The following TMEM156 variants were observed in gnomAD, a reference collection of about 807,000 sequenced individuals.
The protein encoded by TMEM156 is transmembrane protein 156.
A neutral mutation model predicts 30.5 loss-of-function variants in TMEM156; 28 were observed. That is an observed-to-expected ratio of 0.92 (90% confidence interval 0.68 to 1.26). TMEM156 has a LOEUF of 1.26. Ranked by LOEUF, TMEM156 falls within the 50% of genes most tolerant of loss-of-function variation. TMEM156 has a pLI of 0.00. For missense variants in TMEM156, 351 were observed against 340.6 expected (o/e 1.03, Z -0.24); for synonymous variants, 137 against 119.9 (o/e 1.14, Z -0.93).
chr4:38,999,235 G>A (rs1196424296), intron 1 of TMEM156, among the ~76,000 whole-genome samples: 6 of 150,984 alleles, frequency 4.0e-5, no homozygotes, highest in South Asian at 4.2e-4. Flanking sequence ...TCCCAACTCA[G>A]CCTCCAGAGT....
Position 38,988,997 on chromosome 4 carries a change from A to G in TMEM156, c.620-27T>C, listed in dbSNP as rs140200310. On this transcript the variant is annotated intron_variant, in intron 3 of 6. Coordinates refer to ENST00000381938, the MANE Select transcript of TMEM156 (RefSeq NM_024943.3). ...TGTAAAGAAAACAAATACTGTAAAA[A>G]CCCAGTAAAATTATTCAACAGATAA... is the stretch of plus-strand genomic sequence containing the variant. 8 of 1,599,388 alleles carry G rather than the reference A, an allele frequency of 5.0e-6. No homozygotes were observed. In the African/African-American group the frequency reaches 1.1e-4, roughly 22 times the overall value.
intron 5 of TMEM156, among the ~76,000 whole-genome samples, chr4:38,978,577 C>A (rs1324472259): frequency 6.6e-6 from 1 of 152,072 alleles, no homozygotes; most frequent in African/African-American, 2.4e-5. Context: ...AGAGGGCCAC[C>A]CATGATTTGG....
At chr4:39,015,499 C>G (rs1714414330) in intron 1 of TMEM156, among the ~76,000 whole-genome samples, 1 of 152,170 alleles carries the variant, frequency 6.6e-6, no homozygotes, top group Admixed American at 6.5e-5. Context: ...CTTCCAGAAG[C>G]TGGAAACAGC....
chr4:38,972,161 G>C (rs1430494479), intron 5 of TMEM156, among the ~76,000 whole-genome samples: 1 of 150,536 alleles, frequency 6.6e-6, no homozygotes, highest in Non-Finnish European at 1.5e-5. Flanking sequence ...GGGAGATTTA[G>C]TGTATTCAAG....
intron 5 of TMEM156, among the ~76,000 whole-genome samples, chr4:38,974,207 C>CTTT (rs35330425): frequency 4.5e-5 from 6 of 134,120 alleles, no homozygotes; most frequent in Non-Finnish European, 9.5e-5. Flanking sequence ...TTCTTTCTCT[C>CTTT]TTTTTTTTTT....
intron 1 of TMEM156, among the ~76,000 whole-genome samples, chr4:39,020,618 C>A (rs771189575): frequency 6.6e-6 from 1 of 152,078 alleles, no homozygotes; most frequent in Non-Finnish European, 1.5e-5. Flanking sequence ...GTGGCATGAT[C>A]TCGGCTCACT....
chr4:38,995,105 GCT>G (rs1712836922), intron 2 of TMEM156, among the ~76,000 whole-genome samples: 6 of 152,256 alleles, frequency 3.9e-5, no homozygotes, highest in Admixed American at 3.3e-4. Context: ...GCATCATCCT[GCT>G]CTCTGCCTTC....
At chr4:39,018,448 T>C (rs1336933882) in intron 1 of TMEM156, among the ~76,000 whole-genome samples, 1 of 152,214 alleles carries the variant, frequency 6.6e-6, no homozygotes, top group African/African-American at 2.4e-5. Flanking sequence ...CTGCCATTTC[T>C]TCTTGCATCT....
At chr4:39,023,937 G>A (rs926885275) in intron 1 of TMEM156, among the ~76,000 whole-genome samples, 1 of 152,222 alleles carries the variant, frequency 6.6e-6, no homozygotes, top group Non-Finnish European at 1.5e-5. Context: ...AATAAAAGAA[G>A]AGACAAAACC....
intron 1 of TMEM156, among the ~76,000 whole-genome samples, chr4:39,017,690 G>C (rs567086588): frequency 1.8e-4 from 28 of 152,184 alleles, no homozygotes; most frequent in African/African-American, 6.7e-4. Flanking sequence ...AGCTATCTTT[G>C]TTGGGGCATA....
At chr4:38,991,289 T>C (rs1193176857) in intron 3 of TMEM156, among the ~76,000 whole-genome samples, 1 of 150,706 alleles carries the variant, frequency 6.6e-6, no homozygotes, top group African/African-American at 2.4e-5. Flanking sequence ...AGTGGCCTAA[T>C]CACAGCTCAC....
chr4:38,968,937 G>C (rs987560345), intron 6 of TMEM156, among the ~76,000 whole-genome samples: 2 of 152,164 alleles, frequency 1.3e-5, no homozygotes, highest in Admixed American at 1.3e-4. Context: ...CTCTGGCTGG[G>C]TTTGGTCAAT....
intron 5 of TMEM156, among the ~76,000 whole-genome samples, chr4:38,971,939 A>C (rs1722617346): frequency 6.6e-6 from 1 of 151,766 alleles, no homozygotes; most frequent in South Asian, 2.1e-4. Flanking sequence ...ACAGGCATGC[A>C]CCACCATGCC....
intron 2 of TMEM156, among the ~76,000 whole-genome samples, chr4:38,995,729 T>C (rs904423220): frequency 1.3e-5 from 2 of 152,090 alleles, no homozygotes; most frequent in African/African-American, 2.4e-5. Flanking sequence ...AATAAATACA[T>C]AAATAAATAA....
At position 38,998,812 on chromosome 4, in the gene TMEM156, T is replaced by A. The variant is rs980595760; in HGVS notation, c.186A>T (p.Gln62His). Residue 62 changes from glutamine (Q) to histidine (H), a missense_variant, in exon 2 of 7, where the codon CAA becomes CAT. Physicochemically the swap from Gln to His is conservative, Grantham distance 24. Coordinates refer to ENST00000381938, the MANE Select transcript of TMEM156 (RefSeq NM_024943.3). ...SLNFSFVTFL[Q>H]PVRETQIIMR... ...TGATAATCTGAGTTTCCCTTACTGG[T>A]TGCAGAAAAGTCACAAAAGAAAAAT... 3 of 1,613,778 alleles carry A rather than the reference T, an allele frequency of 1.9e-6. No individual in the cohort carries two copies. The highest frequency in any genetic ancestry group is 2.7e-5 in the African/African-American group (2 of 74,918).
At chr4:38,979,866 A>C (rs746112778) in intron 5 of TMEM156, among the ~76,000 whole-genome samples, 6 of 152,240 alleles carry the variant, frequency 3.9e-5, no homozygotes, top group Non-Finnish European at 7.3e-5. Context: ...AAAACCTTCC[A>C]GTCTTAATTA....
intron 1 of TMEM156, among the ~76,000 whole-genome samples, chr4:39,007,327 C>T (rs1713808071): frequency 6.6e-6 from 1 of 152,080 alleles, no homozygotes; most frequent in Non-Finnish European, 1.5e-5. Flanking sequence ...GTGAAGTACC[C>T]GGTGGTACTT....
At position 38,992,005 on chromosome 4, in the gene TMEM156, G is replaced by C. The variant is rs564407019; in HGVS notation, c.619+1733C>G. 1.6e-4 allele frequency among the ~76,000 whole-genome samples: 24 copies of C among 152,156 alleles called. 1 individual carries two copies. The East Asian group carries it at 4.6e-3, about 29-fold the overall frequency. On this transcript the variant is annotated intron_variant, in intron 3 of 6. Coordinates refer to ENST00000381938, the MANE Select transcript of TMEM156 (RefSeq NM_024943.3). ...CTAATTGCAGAGGTTATAGGGCCGT[G>C]GGAAAACTTAGTCACAGGAGAAATT...
intron 3 of TMEM156, among the ~76,000 whole-genome samples, chr4:38,990,778 A>G (rs1577532289): frequency 6.6e-6 from 1 of 151,390 alleles, no homozygotes; most frequent in Non-Finnish European, 1.5e-5. Context: ...TACTCCCACC[A>G]AAGTACAAAG....
Sources: allele counts gnomAD v4.1 joint callset (sites outside exome capture counted in the v4.1 genomes callset), GRCh38; gene constraint gnomAD v4.1.1; transcripts MANE v1.5; gene names NCBI Gene and HGNC (gene_info 2026-07-23, HGNC 2026-07-21).